Variants in DDX54 observed in about 807,000 individuals in gnomAD.
The protein encoded by DDX54 is DEAD-box helicase 54.
DDX54 carries 67 observed loss-of-function variants against 105.5 expected under a neutral mutation model. The observed-to-expected ratio is 0.64, with a 90% CI of 0.52 to 0.78. DDX54 has a LOEUF of 0.78. DDX54 is among the 30% of genes least tolerant of loss of function. DDX54 has a pLI of 0.00. For missense variants in DDX54, 1,206 were observed against 1,230.5 expected (o/e 0.98, Z 0.30); for synonymous variants, 514 against 509.9 (o/e 1.01, Z -0.11).
intron 6 of DDX54, 45 bp from the exon 7 acceptor site, chr12:113,176,980 C>A (rs776412244): frequency 5.6e-6 from 9 of 1,613,540 alleles, no homozygotes; most frequent in Non-Finnish European, 6.8e-6. Flanking sequence ...GCCAGGGCCA[C>A]CACCACAGTT....
At chr12:113,161,080 G>A (rs1334284249) in intron 19 of DDX54, among the ~76,000 whole-genome samples, 190 bp downstream of exon 19, 1 of 150,638 alleles carries the variant, frequency 6.6e-6, no homozygotes, top group Non-Finnish European at 1.5e-5. Flanking sequence ...ACAGTAGGAA[G>A]GGGGAAACTG....
chr12:113,182,619 A>C (rs1320609607), intron 1 of DDX54, among the ~76,000 whole-genome samples: 2 of 145,314 alleles, frequency 1.4e-5, no homozygotes, highest in African/African-American at 5.1e-5. Context: ...GTGCAGTGGC[A>C]GGATCTTGGC....
intron 19 of DDX54, among the ~76,000 whole-genome samples, chr12:113,159,854 T>C (rs1286540928): frequency 1.3e-5 from 2 of 152,070 alleles, no homozygotes; most frequent in Non-Finnish European, 2.9e-5. Context: ...CACTAAGCCC[T>C]GTGTCCTCCT....
intron 12 of DDX54, chr12:113,167,911 C>T: frequency 2.0e-6 from 1 of 509,026 alleles, no homozygotes; most frequent in Non-Finnish European, 3.9e-6. Flanking sequence ...CTGCCTGTCA[C>T]TGGGCCCCTG....
chr12:113,163,994 C>T lies in DDX54; in HGVS notation c.1938+73G>A. The T allele has an allele frequency of 2.0e-6, 3 of 1,481,592 alleles. No homozygotes were observed. Among genetic ancestry groups the T allele is most frequent in the South Asian group, 1.4e-5 (1 of 73,638 alleles). 91.8% of individuals were successfully genotyped at this position (1,481,592 alleles called of 1,614,324 possible). A position where few individuals can be genotyped will look rare whatever the true frequency, so the allele number is the denominator to read the frequency against. On this transcript the variant is annotated intron_variant, in intron 15 of 19. Transcript: ENST00000306014. This position sits in a 1 kb window ranked among gnomAD's most constrained non-coding sequence, Gnocchi z 5.9. ...CACTGCTCAAAGATCCTAGGACAGC[C>T]TCATGGGCTGCTGGGACTTAGCCAC...
At chr12:113,165,615 G>C (rs764821279) in intron 14 of DDX54, 29 bp downstream of exon 14, 230 of 1,577,476 alleles carry the variant, frequency 1.5e-4, no homozygotes, top group Non-Finnish European at 6.0e-6. Flanking sequence ...CCAGGACTCA[G>C]AGCGTGGTCT....
At chr12:113,159,310 G>C in intron 19 of DDX54, 1 of 582,812 alleles carries the variant, frequency 1.7e-6, no homozygotes, top group Non-Finnish European at 2.9e-6. Flanking sequence ...CAGAACCGCT[G>C]GGGTTCAAAT....
intron 7 of DDX54, 65 bp downstream of exon 7, chr12:113,176,775 T>C: frequency 6.4e-7 from 1 of 1,557,106 alleles, no homozygotes; most frequent in Non-Finnish European, 8.8e-7. Flanking sequence ...TTCCTCTGGT[T>C]GACCTCTCTG....
At position 113,185,283 on chromosome 12, in the gene DDX54, G is replaced by A. The variant is rs1384117787; in HGVS notation, c.169C>T (p.Arg57Trp). The A allele has an allele frequency of 5.1e-6, 8 of 1,565,730 alleles. No individual in the cohort carries two copies. The highest frequency in any genetic ancestry group is 6.9e-6 in the Non-Finnish European group (8 of 1,158,358). ...TCCCAGCCCCACGCGCCTACCTTCC[G>A]GGCCCGGGCGTCATCTTCCGCCTGG... Reference protein sequence around the residue: ...EIQAEDDARARKLGPGRPLPT... With the variant: ...EIQAEDDARAWKLGPGRPLPT... Residue 57 changes from arginine to tryptophan, a missense_variant, in exon 1 of 20, where the codon CGG becomes TGG. By Grantham distance (101) the Arg-to-Trp change is moderately radical. Coordinates refer to ENST00000306014, the MANE Select transcript of DDX54 (RefSeq NM_024072.4).
At position 113,157,666 on chromosome 12, in the gene DDX54, C is replaced by A; in HGVS notation, c.*1211G>T. ...GGCCTGGGTCAGGCTGAGCCTGCAG[C>A]CCCTGCCTCCTAGCCCTGACACAGG... On this transcript the variant is annotated 3_prime_UTR_variant, in exon 20 of 20. Coordinates refer to ENST00000306014, the MANE Select transcript of DDX54 (RefSeq NM_024072.4). 6.4e-7 allele frequency: 1 copy of A among 1,551,480 alleles called. No individual in the cohort carries two copies. The highest frequency in any genetic ancestry group is 8.7e-7 in the Non-Finnish European group (1 of 1,146,918).
rs761388349 is a variant in DDX54, at chr12:113,163,125, C to T, written c.2081+7G>A. Reference sequence around the variant, plus strand: ...CTGCCCCACCCAGGACCCAGCCAGCCACTCACCCCCGCTCGCTGTCAAAGT... The same window carrying T: ...CTGCCCCACCCAGGACCCAGCCAGCTACTCACCCCCGCTCGCTGTCAAAGT... On this transcript the variant is annotated splice_region_variant and intron_variant, in intron 16 of 19. Coordinates refer to ENST00000306014, the MANE Select transcript of DDX54 (RefSeq NM_024072.4). The surrounding 1 kb of genome is among the most constrained non-coding windows in gnomAD (Gnocchi z 5.9). 1 of 1,612,710 alleles carries T rather than the reference C, an allele frequency of 6.2e-7. No individual in the cohort carries two copies. Among genetic ancestry groups the T allele is most frequent in the African/African-American group, 1.3e-5 (1 of 75,022 alleles).
In DDX54 at chr12:113,161,500, C is replaced by G. The variant is rs1273342050; in HGVS notation, c.2301-118G>C. On this transcript the variant is annotated intron_variant, in intron 18 of 19. Transcript: ENST00000306014. ...CAGCCGCAGCTGAAGCTGCTCGGCC[C>G]CGCCCCCAGCACACAGGTCCCACTT... is the stretch of plus-strand genomic sequence containing the variant. The G allele has an allele frequency of 8.6e-5, 66 of 771,438 alleles. No individual in the cohort carries two copies. The East Asian group carries it at 1.8e-3, about 21-fold the overall frequency. 47.8% of individuals were successfully genotyped at this position (771,438 alleles called of 1,614,324 possible). A position where few individuals can be genotyped will look rare whatever the true frequency, so the allele number is the denominator to read the frequency against.
Position 113,185,418 on chromosome 12 carries a change from G to C in DDX54, c.34C>G (p.Arg12Gly). The change falls in exon 1 of 20, where the codon CGG (arginine) becomes GGG (glycine). Residue 12 changes from arginine to glycine, a missense_variant. Coordinates refer to ENST00000306014, the MANE Select transcript of DDX54 (RefSeq NM_024072.4). ...CACTGGGCCATGGCAGCTCGCGACC[G>C]AGGTCCAGCCGCCGGGCCCTTGTCG... ...AADKGPAAGP[R>G]SRAAMAQWRK... 1 of 1,529,692 alleles carries C rather than the reference G, an allele frequency of 6.5e-7. No individual in the cohort carries two copies. The highest frequency in any genetic ancestry group is 8.8e-7 in the Non-Finnish European group (1 of 1,141,192). 94.8% of individuals were successfully genotyped at this position (1,529,692 alleles called of 1,614,324 possible).
rs759882906 is a variant in DDX54 at position 113,166,035 on chromosome 12, G to A, written c.1415-3C>T. On this transcript the variant is annotated splice_region_variant and splice_polypyrimidine_tract_variant and intron_variant, in intron 12 of 19. Transcript: ENST00000306014. ...CATGCCATCCACACCGGCCACACCTGCACCCCACACAGCACCTTGTCAGAG... is the reference window on the plus strand; with the variant it reads ...CATGCCATCCACACCGGCCACACCTACACCCCACACAGCACCTTGTCAGAG... 6.2e-7 allele frequency: 1 copy of A among 1,601,914 alleles called. No homozygotes were observed. The highest frequency in any genetic ancestry group is 1.1e-5 in the South Asian group (1 of 90,818).
chr12:113,163,115 C>A lies in DDX54; in HGVS notation c.2081+17G>T. ...GCGGACCCAACTGCCCCACCCAGGA[C>A]CCAGCCAGCCACTCACCCCCGCTCG... On this transcript the variant is annotated intron_variant, in intron 16 of 19. Transcript: ENST00000306014. This position sits in a 1 kb window ranked among gnomAD's most constrained non-coding sequence, Gnocchi z 5.9. The A allele has an allele frequency of 6.2e-7, 1 of 1,612,366 alleles. No individual in the cohort carries two copies. The highest frequency in any genetic ancestry group is 8.5e-7 in the Non-Finnish European group (1 of 1,179,780).
intron 18 of DDX54, chr12:113,161,609 T>C: frequency 3.7e-6 from 2 of 547,868 alleles, no homozygotes; most frequent in Non-Finnish European, 6.5e-6. Context: ...CTGAAGCTGC[T>C]GGGCCCGCCC....
At position 113,165,874 on chromosome 12, in the gene DDX54, C is replaced by A. The variant is rs1360139477; in HGVS notation, c.1573G>T (p.Ala525Ser). The change falls in exon 13 of 20, where the codon GCG (alanine) becomes TCG (serine). Residue 525 changes from alanine to serine, a missense_variant. Coordinates refer to ENST00000306014, the MANE Select transcript of DDX54 (RefSeq NM_024072.4). ...AQQQYVRSRPAPSPESIKRAK... is the reference protein window; with the variant it reads ...AQQQYVRSRPSPSPESIKRAK... ...CTCTTGATGGACTCAGGCGAGGGCG[C>A]CGGGCGTGAGCGCACATACTGCTGC... is the stretch of plus-strand genomic sequence containing the variant. 1.9e-6 allele frequency: 3 copies of A among 1,613,654 alleles called. No homozygotes were observed. Among genetic ancestry groups the A allele is most frequent in the South Asian group, 1.1e-5 (1 of 91,058 alleles).
chr12:113,175,659 G>A (rs1213465546), intron 7 of DDX54, among the ~76,000 whole-genome samples: 1 of 152,030 alleles, frequency 6.6e-6, no homozygotes, highest in African/African-American at 2.4e-5. Context: ...CGTGGTGGCG[G>A]GCGCCTGTAG....
chr12:113,159,359 C>T (rs933705816), intron 19 of DDX54: 6 of 496,412 alleles, frequency 1.2e-5, no homozygotes, highest in Admixed American at 3.9e-5. Flanking sequence ...AAGAAGTTAA[C>T]GGCTCTGTGC....
Sources: gnomAD v4.1 joint callset for allele counts (sites outside exome capture counted in the v4.1 genomes callset) on GRCh38, gnomAD v4.1.1 for gene constraint, Gnocchi (gnomAD v3.1) non-coding constraint, MANE v1.5 for transcripts, NCBI Gene and HGNC (gene_info 2026-07-23, HGNC 2026-07-21) for gene names.